The following EXOSC8 variants were observed in gnomAD, a reference collection of about 807,000 sequenced individuals.
The protein encoded by EXOSC8 is exosome complex component RRP43.
A neutral mutation model predicts 39.9 loss-of-function variants in EXOSC8; 37 were observed. The ratio of observed to expected loss-of-function variants is 0.93; its 90% confidence interval spans 0.71 to 1.22. EXOSC8 has a LOEUF of 1.22. EXOSC8 is among the 50% of genes most tolerant of loss of function. EXOSC8 has a pLI of 0.00. For synonymous variants in EXOSC8, 93 were observed against 109.5 expected (o/e 0.85, Z 0.94); for missense variants, 313 against 326.6 (o/e 0.96, Z 0.32).
chr13:37,005,942 CCT>C lies in EXOSC8; in HGVS notation c.262_263del (p.Leu88ValfsTer18), dbSNP rs1343957674. 5 of 1,608,376 alleles carry C rather than the reference CCT, an allele frequency of 3.1e-6. No individual in the cohort carries two copies. Among genetic ancestry groups the C allele is most frequent in the Admixed American group, 1.7e-5 (1 of 59,940 alleles). ...YVVPNVDLPPLCSSRFRSGPP... is the reference protein window; with the variant it reads ...YVVPNVDLPPXCSSRFRSGPP... ...CAGTTCCTAATGTGGATCTACCACC[CCT>C]GTGTTCATCGAGATTCCGGTCTGGA... On this transcript the variant is annotated frameshift_variant, in exon 6 of 11. Coordinates refer to ENST00000389704, the MANE Select transcript of EXOSC8 (RefSeq NM_181503.3). LOFTEE classifies it high-confidence loss of function.
intron 9 of EXOSC8, 152 bp from the exon 10 acceptor site, chr13:37,008,577 A>C (rs562775408): frequency 2.6e-4 from 153 of 583,040 alleles, no homozygotes; most frequent in Non-Finnish European, 4.2e-4. Flanking sequence ...CAACATGTTG[A>C]AACCCTGTCT....
intron 9 of EXOSC8, 86 bp downstream of exon 9, chr13:37,008,263 T>C (rs2059164970): frequency 9.0e-7 from 1 of 1,108,878 alleles, no homozygotes; most frequent in African/African-American, 1.6e-5. Flanking sequence ...TAGGAAGTGC[T>C]ATGGTGACCC....
intron 7 of EXOSC8, among the ~76,000 whole-genome samples, 156 bp from the exon 8 acceptor site, chr13:37,006,819 A>G (rs1566075645): frequency 6.6e-6 from 1 of 152,226 alleles, no homozygotes; most frequent in Non-Finnish European, 1.5e-5. Context: ...TTTTCTATAG[A>G]ACTTTAAAAA....
At chr13:37,004,344 G>A (rs1431321336) in intron 4 of EXOSC8, 172 bp from the exon 5 acceptor site, 5 of 583,606 alleles carry the variant, frequency 8.6e-6, no homozygotes, top group East Asian at 5.7e-5. Flanking sequence ...CTGTACTGTA[G>A]TGCCTTCTTA....
At chr13:37,004,256 G>A (rs1164782009) in intron 4 of EXOSC8, 1 of 337,512 alleles carries the variant, frequency 3.0e-6, no homozygotes, top group Non-Finnish European at 5.3e-6. Flanking sequence ...TTGGCTAGTA[G>A]TTGGGGGCAC....
chr13:37,007,081 CT>C lies in EXOSC8; in HGVS notation c.487+12del. 1 of 1,584,086 alleles carries C rather than the reference CT, an allele frequency of 6.3e-7. No homozygotes were observed. Among genetic ancestry groups the C allele is most frequent in the Non-Finnish European group, 8.7e-7 (1 of 1,152,696 alleles). The stretch of plus-strand genomic sequence containing the variant: ...GCGGCTTTAAAAAATGGTAAGCAGC[CT>C]TACAAAAAAGGCAATATTCCCACTC... On this transcript the variant is annotated intron_variant, in intron 8 of 10. Transcript: ENST00000389704.
At chr13:37,004,694 T>C in intron 5 of EXOSC8, 133 bp downstream of exon 5, 1 of 590,048 alleles carries the variant, frequency 1.7e-6, no homozygotes, top group Non-Finnish European at 2.9e-6. Flanking sequence ...TAAAACAAAT[T>C]CCTCAAAAGT....
At position 37,009,571 on chromosome 13, in the gene EXOSC8, G is replaced by A. The variant is rs2059223962; in HGVS notation, c.*272G>A. On this transcript the variant is annotated 3_prime_UTR_variant, in exon 11 of 11. Coordinates refer to ENST00000389704, the MANE Select transcript of EXOSC8 (RefSeq NM_181503.3). ...GTATAAAGTTTGTACATCTAGCAAT[G>A]TAAAATACTGACACATTAAAAAAAA... The A allele has an allele frequency of 7.3e-7, 1 of 1,371,530 alleles. No homozygotes were observed. Among genetic ancestry groups the A allele is most frequent in the Non-Finnish European group, 1.0e-6 (1 of 963,356 alleles). 85.0% of individuals were successfully genotyped at this position (1,371,530 alleles called of 1,614,324 possible). A position where few individuals can be genotyped will look rare whatever the true frequency, so the allele number is the denominator to read the frequency against.
intron 8 of EXOSC8, among the ~76,000 whole-genome samples, chr13:37,007,331 G>C (rs1566076005): frequency 6.6e-6 from 1 of 152,212 alleles, no homozygotes; most frequent in East Asian, 1.9e-4. Flanking sequence ...AAGGAGACAA[G>C]AGTTGTAACT....
At chr13:37,004,727 A>T (rs1286931194) in intron 5 of EXOSC8, among the ~76,000 whole-genome samples, 166 bp downstream of exon 5, 3 of 152,196 alleles carry the variant, frequency 2.0e-5, no homozygotes, top group Admixed American at 2.0e-4. Flanking sequence ...AGTAAAAGAT[A>T]GCATAATAGC....
chr13:37,001,954 T>C (rs1233771323), intron 1 of EXOSC8, among the ~76,000 whole-genome samples: 1 of 152,200 alleles, frequency 6.6e-6, no homozygotes, highest in Non-Finnish European at 1.5e-5. Flanking sequence ...ATTAAAATAA[T>C]CTTTTTTCAT....
chr13:37,004,700 A>G (rs775765297), intron 5 of EXOSC8, 139 bp downstream of exon 5: 21 of 585,744 alleles, frequency 3.6e-5, no homozygotes, highest in Non-Finnish European at 5.6e-5. Context: ...AAATTCCTCA[A>G]AAGTTTTCCG....
chr13:37,003,789 G>A (rs1190034748), intron 4 of EXOSC8: 1 of 152,150 alleles, frequency 6.6e-6, no homozygotes, highest in Non-Finnish European at 1.5e-5. Context: ...TTTAAGGTAA[G>A]AGGTTAAATA....
rs947782197 is a variant in EXOSC8 at position 37,004,551 on chromosome 13, A to G, written c.228A>G (p.Lys76=). Residue 76 remains lysine (K), a synonymous_variant, in exon 5 of 11, where the codon AAA becomes AAG. Coordinates refer to ENST00000389704, the MANE Select transcript of EXOSC8 (RefSeq NM_181503.3). ...CACCATCAACAGATGCCCCTGATAA[A>G]GGATACGTTGGTAAGTTAAATGGTT... ...FAAPSTDAPD[K]GYVVPNVDLP... The G allele has an allele frequency of 6.2e-7, 1 of 1,602,436 alleles. No individual in the cohort carries two copies. Among genetic ancestry groups the G allele is most frequent in the Non-Finnish European group, 8.5e-7 (1 of 1,170,392 alleles).
At chr13:37,005,356 T>C (rs2059131413) in intron 5 of EXOSC8, among the ~76,000 whole-genome samples, 1 of 152,102 alleles carries the variant, frequency 6.6e-6, no homozygotes, top group African/African-American at 2.4e-5. Context: ...GGAAAACTCG[T>C]AAAGGATTTA....
At chr13:37,004,162 G>A (rs989760731) in intron 4 of EXOSC8, 9 of 173,330 alleles carry the variant, frequency 5.2e-5, no homozygotes, top group African/African-American at 9.4e-5. Context: ...GTGAGCCACC[G>A]CGCCCAGCTG....
rs1317791229 is a variant in EXOSC8 at position 37,008,321 on chromosome 13, C to G, written c.608+144C>G. On this transcript the variant is annotated intron_variant, in intron 9 of 10. Transcript: ENST00000389704. Reference sequence around the variant, plus strand: ...ACTTGAGTTTCTACTTGTCCCTGCACAATTATTTCTAGTCACTGCACAATT... The same window carrying G: ...ACTTGAGTTTCTACTTGTCCCTGCAGAATTATTTCTAGTCACTGCACAATT... 6.0e-5 allele frequency: 42 copies of G among 696,098 alleles called. No homozygotes were observed. In the South Asian group the frequency reaches 6.5e-4, roughly 11 times the overall value. 43.1% of individuals were successfully genotyped at this position (696,098 alleles called of 1,614,324 possible). A position where few individuals can be genotyped will look rare whatever the true frequency, so the allele number is the denominator to read the frequency against.
intron 5 of EXOSC8, among the ~76,000 whole-genome samples, chr13:37,005,117 GAAAAA>G (rs528775661): frequency 1.3e-5 from 2 of 148,180 alleles, no homozygotes; most frequent in Non-Finnish European, 3.0e-5. Flanking sequence ...TGTTTCAAAA[GAAAAA>G]AAAAATAGAA....
At position 37,006,148 on chromosome 13, in the gene EXOSC8, T is replaced by G; in HGVS notation, c.378T>G (p.Ile126Met). 1 of 1,609,348 alleles carries G rather than the reference T, an allele frequency of 6.2e-7. No individual in the cohort carries two copies. Among genetic ancestry groups the G allele is most frequent in the Non-Finnish European group, 8.5e-7 (1 of 1,176,028 alleles). ...TAATTCAGAAAGAGGACTTATGCAT[T>G]TCTCCAGGAAAGGTAAGAGGAATAG... ...SQIIQKEDLC[I>M]SPGKLVWVLY... The change falls in exon 7 of 11, where the codon ATT (isoleucine) becomes ATG (methionine). Residue 126 changes from isoleucine (I) to methionine (M), a missense_variant. Ile to Met is a conservative substitution (Grantham distance 10). Transcript: ENST00000389704.
Sources: allele counts gnomAD v4.1 joint callset (sites outside exome capture counted in the v4.1 genomes callset), GRCh38; gene constraint gnomAD v4.1.1; transcripts MANE v1.5; gene names NCBI Gene and HGNC (gene_info 2026-07-23, HGNC 2026-07-21).